MYRIP: variants seen among roughly 807,000 people sequenced by gnomAD.
MYRIP encodes rab effector MyRIP.
MYRIP carries 49 observed loss-of-function variants against 98.0 expected under a neutral mutation model. That is an observed-to-expected ratio of 0.50 (90% CI 0.40 to 0.63). The LOEUF is 0.63. MYRIP is among the 30% of genes least tolerant of loss of function. The pLI, the probability that MYRIP is intolerant of heterozygous loss-of-function variation, is 0.00. For missense variants in MYRIP, 1,004 were observed against 1,058.2 expected (o/e 0.95, Z 0.71); for synonymous variants, 404 against 409.5 (o/e 0.99, Z 0.16).
chr3:40,142,047 ATTTT>A (rs768094065), intron 3 of MYRIP, among the ~76,000 whole-genome samples: 2 of 95,950 alleles, frequency 2.1e-5, no homozygotes, highest in Admixed American at 1.2e-4. Context: ...TATGCTGTTG[ATTTT>A]TTTTTTTTTT....
At chr3:39,847,028 G>A (rs915058449) in intron 1 of MYRIP, among the ~76,000 whole-genome samples, 2 of 152,160 alleles carry the variant, frequency 1.3e-5, no homozygotes, top group Admixed American at 6.6e-5. Context: ...ATTAAGCAGG[G>A]CAATCTCTTT....
intron 1 of MYRIP, among the ~76,000 whole-genome samples, chr3:39,856,773 C>T (rs1217965401): frequency 1.3e-5 from 2 of 152,186 alleles, no homozygotes; most frequent in Admixed American, 1.3e-4. Context: ...AAGGTCCTTC[C>T]CTGCCCAAGT....
At chr3:40,108,292 A>ACAAC (rs11267413) in intron 3 of MYRIP, among the ~76,000 whole-genome samples, 64,496 of 150,900 alleles carry the variant, frequency 0.43, 14,464 homozygotes, top group Admixed American at 0.53. Flanking sequence ...CAGAGTTTAT[A>ACAAC]ATTTAAGGCA....
intron 1 of MYRIP, among the ~76,000 whole-genome samples, chr3:39,812,008 C>T (rs9814462): frequency 0.2 from 30,897 of 152,016 alleles, 3,219 homozygotes; most frequent in South Asian, 0.29. Flanking sequence ...CAGACTCTTG[C>T]CGGAAAGCCA....
At chr3:39,809,278 G>C (rs1425959976), upstream of MYRIP, among the ~76,000 whole-genome samples, 7 of 151,822 alleles carry the variant, frequency 4.6e-5, no homozygotes, top group East Asian at 1.9e-4. Flanking sequence ...GTCGCACATG[G>C]GGGCTCCCGA....
At chr3:40,049,505 T>G (rs1947742513) in intron 3 of MYRIP, among the ~76,000 whole-genome samples, 1 of 152,068 alleles carries the variant, frequency 6.6e-6, no homozygotes, top group African/African-American at 2.4e-5. Context: ...GTATTGTGTG[T>G]GTTCTGACTG....
At chr3:40,160,056 A>C (rs928301213) in intron 4 of MYRIP, among the ~76,000 whole-genome samples, 1 of 152,066 alleles carries the variant, frequency 6.6e-6, no homozygotes, top group African/African-American at 2.4e-5. Flanking sequence ...GTTCCTTTGG[A>C]GGAGGAGAGG....
intron 2 of MYRIP, among the ~76,000 whole-genome samples, chr3:39,918,277 A>G (rs1273986594): frequency 3.9e-5 from 6 of 152,214 alleles, no homozygotes; most frequent in Non-Finnish European, 8.8e-5. Flanking sequence ...GTGCTCAAAT[A>G]AACTCTATAT....
intron 3 of MYRIP, among the ~76,000 whole-genome samples, chr3:40,078,290 T>C (rs1559390890): frequency 6.6e-6 from 1 of 152,180 alleles, no homozygotes. Flanking sequence ...CAGCCCCGGT[T>C]CGCATTCGCA....
intron 2 of MYRIP, among the ~76,000 whole-genome samples, chr3:39,997,939 A>G (rs900277666): frequency 1.3e-5 from 2 of 152,114 alleles, no homozygotes; most frequent in African/African-American, 2.4e-5. Flanking sequence ...AAAACCACAT[A>G]ATTATCTCAA....
intron 2 of MYRIP, among the ~76,000 whole-genome samples, chr3:39,944,745 T>C (rs1025104077): frequency 2.0e-5 from 3 of 152,176 alleles, no homozygotes; most frequent in Non-Finnish European, 2.9e-5. Context: ...AGATGAATAC[T>C]GTGAGTTCAT....
At chr3:39,869,561 G>C (rs1263274526) in intron 1 of MYRIP, among the ~76,000 whole-genome samples, 2 of 152,148 alleles carry the variant, frequency 1.3e-5, no homozygotes, top group Admixed American at 6.6e-5. Context: ...AGATAAGGGA[G>C]TAGAGAGCCT....
chr3:40,207,433 C>A (rs1185768133), intron 10 of MYRIP, among the ~76,000 whole-genome samples: 1 of 152,186 alleles, frequency 6.6e-6, no homozygotes, highest in Non-Finnish European at 1.5e-5. Flanking sequence ...AGTCCCTCAT[C>A]ACTGATTTTC....
At position 39,940,118 on chromosome 3, in the gene MYRIP, A is replaced by G. The variant is rs906008078; in HGVS notation, c.110+39192A>G. Reference sequence around the variant, plus strand: ...TATGTTAAGGTACATATTTTTATATATGTGTGTGTTTTAACACACTTGAAT... The same window carrying G: ...TATGTTAAGGTACATATTTTTATATGTGTGTGTGTTTTAACACACTTGAAT... On this transcript the variant is annotated intron_variant, in intron 2 of 16. Coordinates refer to ENST00000302541, the MANE Select transcript of MYRIP (RefSeq NM_015460.4). Among the ~76,000 whole-genome samples, 4 of 152,254 alleles carry G rather than the reference A, an allele frequency of 2.6e-5. No homozygotes were observed. In the East Asian group the frequency reaches 7.7e-4, roughly 29 times the overall value.
chr3:40,044,748 T>A (rs1333233249), intron 3 of MYRIP, among the ~76,000 whole-genome samples: 3 of 152,108 alleles, frequency 2.0e-5, no homozygotes, highest in Non-Finnish European at 2.9e-5. Flanking sequence ...GTCTATTGGC[T>A]ATGAGGGCAC....
intron 2 of MYRIP, among the ~76,000 whole-genome samples, chr3:39,955,709 T>A (rs1264168767): frequency 1.3e-5 from 2 of 152,102 alleles, no homozygotes; most frequent in East Asian, 3.9e-4. Flanking sequence ...GGCTAAATGC[T>A]GCAATTAAAA....
At chr3:40,150,714 T>C (rs1482581944) in intron 3 of MYRIP, among the ~76,000 whole-genome samples, 1 of 152,196 alleles carries the variant, frequency 6.6e-6, no homozygotes, top group Admixed American at 6.5e-5. Context: ...CGATGGCTTC[T>C]TTCACCTATC....
chr3:40,105,671 G>C (rs1196072458), intron 3 of MYRIP, among the ~76,000 whole-genome samples: 1 of 152,050 alleles, frequency 6.6e-6, no homozygotes, highest in Non-Finnish European at 1.5e-5. Context: ...AGGTTTAATT[G>C]ACTCACAGCT....
At chr3:39,880,781 C>T (rs1559507518) in intron 1 of MYRIP, among the ~76,000 whole-genome samples, 1 of 152,060 alleles carries the variant, frequency 6.6e-6, no homozygotes, top group Non-Finnish European at 1.5e-5. Context: ...TATTATTTAT[C>T]CCAGGTGTTC....
Sources: allele counts gnomAD v4.1 joint callset (sites outside exome capture counted in the v4.1 genomes callset), GRCh38; gene constraint gnomAD v4.1.1; transcripts MANE v1.5; gene names NCBI Gene and HGNC (gene_info 2026-07-23, HGNC 2026-07-21).